BAHD1: variants seen among roughly 807,000 people sequenced by gnomAD.
The protein encoded by BAHD1 is bromo adjacent homology domain containing 1, also known as bromo adjacent homology domain-containing 1 protein.
In BAHD1, 20 loss-of-function variants were observed where a neutral mutation model predicts 63.1. The observed-to-expected ratio is 0.32, with a 90% CI of 0.22 to 0.46. The LOEUF (loss-of-function observed/expected upper bound fraction) is 0.46, where lower values mean the gene tolerates loss of function less well. Among genes scored for constraint, BAHD1 ranks in the 20% least tolerant of loss-of-function variants. The probability of loss-of-function intolerance (pLI) is 1.00; values close to 1 mark genes in which losing one functional copy is unlikely to be tolerated. For synonymous variants in BAHD1, 408 were observed against 426.8 expected (o/e 0.96, Z 0.54); for missense variants, 939 against 1,071.8 (o/e 0.88, Z 1.73).
chr15:40,450,423 C>G lies in BAHD1; in HGVS notation c.-14-8028C>G, dbSNP rs1032113540. On this transcript the variant is annotated intron_variant, in intron 1 of 6. Transcript: ENST00000416165. ...AGTCTTGGCAAGCCATTTTAGAAAT[C>G]TAAGTTGTTGGTCCATGTAATGTCC... Among the ~76,000 whole-genome samples the G allele has an allele frequency of 4.6e-5, 7 of 152,170 alleles. No homozygotes were observed. The East Asian group carries it at 1.3e-3, about 29-fold the overall frequency.
chr15:40,440,142 G>A (rs1893358823), upstream of BAHD1, among the ~76,000 whole-genome samples: 1 of 152,182 alleles, frequency 6.6e-6, no homozygotes, highest in African/African-American at 2.4e-5. Context: ...GCTGTCAGCT[G>A]GAAATGGATG....
At chr15:40,454,638 T>C (rs982968241) in intron 1 of BAHD1, 1 of 152,134 alleles carries the variant, frequency 6.6e-6, no homozygotes, top group Non-Finnish European at 1.5e-5. Flanking sequence ...TTGACATCTT[T>C]TAGTGTCAGG....
At chr15:40,461,598 C>G (rs1433120285) in intron 2 of BAHD1, among the ~76,000 whole-genome samples, 2 of 151,888 alleles carry the variant, frequency 1.3e-5, no homozygotes, top group African/African-American at 4.8e-5. Context: ...CAAGATAGCA[C>G]CACTGCACTC....
intron 2 of BAHD1, among the ~76,000 whole-genome samples, chr15:40,461,444 C>T (rs921065758): frequency 6.6e-6 from 1 of 152,062 alleles, no homozygotes; most frequent in African/African-American, 2.4e-5. Flanking sequence ...TTGAGACCAG[C>T]CTGTCTAACA....
At chr15:40,441,612 G>GGGC (rs1217520595) in intron 1 of BAHD1, among the ~76,000 whole-genome samples, 1 of 147,854 alleles carries the variant, frequency 6.8e-6, no homozygotes, top group African/African-American at 2.4e-5. Flanking sequence ...CAGCTCGGCC[G>GGGC]GGCGGCGGCG....
intron 6 of BAHD1, among the ~76,000 whole-genome samples, 198 bp downstream of exon 6, chr15:40,465,633 G>C (rs150592762): frequency 1.3e-3 from 202 of 152,342 alleles, no homozygotes; most frequent in African/African-American, 4.6e-3. Flanking sequence ...AAGAAAAATT[G>C]TGTTGCCACA....
chr15:40,448,961 C>T (rs1893625949), intron 1 of BAHD1, among the ~76,000 whole-genome samples: 1 of 151,758 alleles, frequency 6.6e-6, no homozygotes, highest in Admixed American at 6.6e-5. Context: ...TGTGCCACCA[C>T]GCCCAGCTAA....
At chr15:40,460,418 G>T (rs1894004495) in intron 2 of BAHD1, among the ~76,000 whole-genome samples, 1 of 152,146 alleles carries the variant, frequency 6.6e-6, no homozygotes, top group South Asian at 2.1e-4. Context: ...GGGCAGCTTT[G>T]CCCTGGCTAT....
chr15:40,453,603 A>G (rs1215706352), intron 1 of BAHD1: 1 of 152,120 alleles, frequency 6.6e-6, no homozygotes, highest in African/African-American at 2.4e-5. Context: ...GCCCTCACCC[A>G]GATGACCTGA....
intron 1 of BAHD1, among the ~76,000 whole-genome samples, chr15:40,450,216 C>T (rs1893661960): frequency 6.6e-6 from 1 of 152,234 alleles, no homozygotes; most frequent in Non-Finnish European, 1.5e-5. Flanking sequence ...GCCCATAACT[C>T]TGATACGATC....
chr15:40,459,096 C>T lies in BAHD1; in HGVS notation c.632C>T (p.Ala211Val), dbSNP rs141772715. ...PKRLASLNAA[A>V]FLKLSQEREL... ...AGACTGGCTAGCCTGAACGCAGCTG[C>T]TTTCCTAAAACTGAGCCAGGAGCGG... Residue 211 changes from alanine to valine, a missense_variant, in exon 2 of 7, where the codon GCT (alanine) becomes GTT (valine). Ala to Val is a moderately conservative substitution (Grantham distance 64, BLOSUM62 0). Coordinates refer to ENST00000416165, the MANE Select transcript of BAHD1 (RefSeq NM_014952.5). The T allele has an allele frequency of 6.2e-7, 1 of 1,613,014 alleles. No individual in the cohort carries two copies. The highest frequency in any genetic ancestry group is 1.1e-5 in the South Asian group (1 of 91,056).
intron 4 of BAHD1, 76 bp downstream of exon 4, chr15:40,464,096 C>A (rs761932531): frequency 2.0e-6 from 3 of 1,531,988 alleles, no homozygotes; most frequent in Admixed American, 3.6e-5. Context: ...TGGCCCCTGC[C>A]TGGAGTTTGA....
At position 40,468,136 on chromosome 15, in the gene BAHD1, AAGGG is replaced by A. The variant is rs1230979024; in HGVS notation, c.*2010_*2013del. The A allele has an allele frequency of 4.6e-5, 7 of 152,652 alleles. No homozygotes were observed. The highest frequency in any genetic ancestry group is 1.7e-4 in the African/African-American group (7 of 41,454). 9.5% of individuals were successfully genotyped at this position (152,652 alleles called of 1,614,324 possible). ...CCCAGATCTGTATTTCAGTGTTTAC[AAGGG>A]AGGAAGGACCTTTCCTCACCTCCCT... is the stretch of plus-strand genomic sequence containing the variant. On this transcript the variant is annotated 3_prime_UTR_variant, in exon 7 of 7. Transcript: ENST00000416165.
chr15:40,440,559 G>A (rs1025630340), upstream of BAHD1, among the ~76,000 whole-genome samples: 4 of 138,496 alleles, frequency 2.9e-5, no homozygotes, highest in African/African-American at 1.0e-4. Flanking sequence ...AGGGCGGGGG[G>A]AGATAAGATT....
rs1485606869 is a variant in BAHD1, at chr15:40,459,696, A to T, written c.1232A>T (p.His411Leu). The change falls in exon 2 of 7, where the codon CAC becomes CTC. Residue 411 changes from histidine to leucine, a missense_variant. Around this residue, in one of 5 missense-constraint regions of BAHD1, gnomAD observed 797 missense variants for 813.3 expected, o/e 0.98. Coordinates refer to ENST00000416165, the MANE Select transcript of BAHD1 (RefSeq NM_014952.5). ...AAGCTGTCCCCAGTGGCTGCACCTC[A>T]CGAGGAGGGGCTCCTCTTAGCTCCG... ...EGKLSPVAAP[H>L]EEGLLLAPSS... 2 of 1,613,904 alleles carry T rather than the reference A, an allele frequency of 1.2e-6. No individual in the cohort carries two copies. The highest frequency in any genetic ancestry group is 2.7e-5 in the African/African-American group (2 of 74,940).
chr15:40,461,910 A>G lies in BAHD1; in HGVS notation c.1433-2A>G, dbSNP rs1894054271. On this transcript the variant is annotated splice_acceptor_variant, in intron 2 of 6. Transcript: ENST00000416165. LOFTEE classifies it high-confidence loss of function. ...GTCCTGACCACTCTCTCCCTTTCCT[A>G]GAAGGCTGCAGATCCCTGGGCCAGT... The G allele has an allele frequency of 6.3e-7, 1 of 1,588,022 alleles. No homozygotes were observed. Among genetic ancestry groups the G allele is most frequent in the East Asian group, 2.3e-5 (1 of 44,418 alleles).
At chr15:40,445,611 T>G (rs1408243179) in intron 1 of BAHD1, among the ~76,000 whole-genome samples, 1 of 152,220 alleles carries the variant, frequency 6.6e-6, no homozygotes, top group African/African-American at 2.4e-5. Context: ...TAGCCTGTGT[T>G]GAACTAAGGC....
chr15:40,463,813 C>G (rs1566965763), intron 3 of BAHD1, 48 bp from the exon 4 acceptor site: 1 of 1,604,926 alleles, frequency 6.2e-7, no homozygotes, highest in South Asian at 1.1e-5. Context: ...TGTCCTTACT[C>G]TGAGTGTGGC....
chr15:40,462,171 C>T lies in BAHD1; in HGVS notation c.1692C>T (p.Ala564=). The change falls in exon 3 of 7, where the codon GCC becomes GCT. Residue 564 remains alanine, a synonymous_variant. Coordinates refer to ENST00000416165, the MANE Select transcript of BAHD1 (RefSeq NM_014952.5). ...SCRHTARSKA[A]RRPSHPKQPR... Reference sequence around the variant, plus strand: ...GGCACACTGCAAGGAGCAAGGCTGCCCGCAGGCCTAGCCACCCCAAGCAGC... The same window carrying T: ...GGCACACTGCAAGGAGCAAGGCTGCTCGCAGGCCTAGCCACCCCAAGCAGC... The T allele has an allele frequency of 1.2e-6, 2 of 1,612,272 alleles. No homozygotes were observed. Among genetic ancestry groups the T allele is most frequent in the Non-Finnish European group, 1.7e-6 (2 of 1,179,940 alleles).
Sources: allele counts gnomAD v4.1 joint callset (sites outside exome capture counted in the v4.1 genomes callset), GRCh38; gene constraint gnomAD v4.1.1; regional missense constraint gnomAD v4.1.1; transcripts MANE v1.5; gene names NCBI Gene and HGNC (gene_info 2026-07-23, HGNC 2026-07-21).